AGBL1: variants seen among roughly 807,000 people sequenced by gnomAD.
AGBL1 encodes cytosolic carboxypeptidase 4.
AGBL1 carries 130 observed loss-of-function variants against 118.9 expected under a neutral mutation model. That is an observed-to-expected ratio of 1.09 (90% CI 0.95 to 1.26). The LOEUF is 1.26. Ranked by LOEUF, AGBL1 falls within the 50% of genes most tolerant of loss-of-function variation. AGBL1 has a pLI of 0.00. For missense variants in AGBL1, 1,584 were observed against 1,298.1 expected (o/e 1.22, Z -3.38); for synonymous variants, 555 against 478.9 (o/e 1.16, Z -2.08).
At chr15:86,988,766 C>G (rs368429215) in intron 24 of AGBL1, among the ~76,000 whole-genome samples, 2 of 152,196 alleles carry the variant, frequency 1.3e-5, no homozygotes, top group East Asian at 3.9e-4. Flanking sequence ...TGTTTAGAAA[C>G]AAAGTTATAC....
intron 22 of AGBL1, among the ~76,000 whole-genome samples, chr15:86,900,118 C>T (rs937249054): frequency 3.3e-5 from 5 of 152,230 alleles, no homozygotes; most frequent in Middle Eastern, 3.4e-3. Flanking sequence ...CAGGAGCTCT[C>T]GGGCCTTCAG....
At chr15:86,941,852 G>A (rs990268161) in intron 23 of AGBL1, among the ~76,000 whole-genome samples, 2 of 152,220 alleles carry the variant, frequency 1.3e-5, no homozygotes, top group African/African-American at 4.8e-5. Context: ...GCCAGAAGCA[G>A]GAGGCAAAAT....
chr15:86,142,879 A>T (rs2076982130), intron 2 of AGBL1, among the ~76,000 whole-genome samples: 1 of 152,204 alleles, frequency 6.6e-6, no homozygotes, highest in Non-Finnish European at 1.5e-5. Flanking sequence ...TCTCCCTCTG[A>T]TAAGGTGGTG....
At chr15:86,616,603 C>A (rs1359792317) in intron 21 of AGBL1, among the ~76,000 whole-genome samples, 2 of 152,158 alleles carry the variant, frequency 1.3e-5, no homozygotes, top group Admixed American at 1.3e-4. Context: ...CCTGGCACAG[C>A]TTTATCCTAT....
chr15:86,786,336 C>T (rs2078412806), intron 22 of AGBL1, among the ~76,000 whole-genome samples: 1 of 151,992 alleles, frequency 6.6e-6, no homozygotes, highest in Non-Finnish European at 1.5e-5. Flanking sequence ...AAAGCCTTGG[C>T]TCTGAAAGCT....
intron 23 of AGBL1, among the ~76,000 whole-genome samples, chr15:86,959,353 A>C (rs2080967349): frequency 6.6e-6 from 1 of 152,174 alleles, no homozygotes; most frequent in Non-Finnish European, 1.5e-5. Flanking sequence ...TTCTGTACCT[A>C]AGAACCCAAA....
chr15:86,527,440 A>G (rs1327617121), intron 19 of AGBL1, among the ~76,000 whole-genome samples: 1 of 152,214 alleles, frequency 6.6e-6, no homozygotes, highest in Non-Finnish European at 1.5e-5. Flanking sequence ...GAGGTGGGTG[A>G]GAAACAGCTG....
In AGBL1 at chr15:87,020,070, T is replaced by G. The variant is rs942648712; in HGVS notation, c.3324-8755T>G. Among the ~76,000 whole-genome samples, 3 of 151,088 alleles carry G rather than the reference T, an allele frequency of 2.0e-5. No individual in the cohort carries two copies. In the East Asian group the frequency reaches 5.9e-4, roughly 29 times the overall value. ...CCCAAGACTGAACCAGGAAAAAAATTGAATCCCTGAAGAGACCAATAATAA... is the reference window on the plus strand; with the variant it reads ...CCCAAGACTGAACCAGGAAAAAAATGGAATCCCTGAAGAGACCAATAATAA... On this transcript the variant is annotated intron_variant, in intron 24 of 24. Coordinates refer to the AGBL1 transcript ENST00000441037.
At chr15:86,345,724 G>T (rs1320275300) in intron 17 of AGBL1, among the ~76,000 whole-genome samples, 1 of 152,100 alleles carries the variant, frequency 6.6e-6, no homozygotes, top group African/African-American at 2.4e-5. Flanking sequence ...CAATTGATTG[G>T]TCAATAAATA....
At chr15:86,437,340 C>T (rs752128585) in intron 18 of AGBL1, among the ~76,000 whole-genome samples, 65 of 152,116 alleles carry the variant, frequency 4.3e-4, no homozygotes, top group Non-Finnish European at 9.0e-4. Flanking sequence ...CTTCTTCTCT[C>T]CAATAGAGAA....
intron 23 of AGBL1, among the ~76,000 whole-genome samples, chr15:86,923,339 G>A (rs12916341): frequency 0.58 from 87,942 of 152,004 alleles, 25,960 homozygotes; most frequent in East Asian, 0.66. Flanking sequence ...CTGCCTTGCC[G>A]GGCTTGTCTT....
At chr15:86,266,262 T>C in intron 11 of AGBL1, 112 bp from the exon 12 acceptor site, 1 of 655,848 alleles carries the variant, frequency 1.5e-6, no homozygotes, top group South Asian at 2.4e-5. Flanking sequence ...TAAACTTCTC[T>C]GTGCTTTCAT....
chr15:86,381,251 A>G (rs1381439501), intron 17 of AGBL1, among the ~76,000 whole-genome samples: 1 of 152,164 alleles, frequency 6.6e-6, no homozygotes, highest in Non-Finnish European at 1.5e-5. Flanking sequence ...AATTCTTGTG[A>G]AGTGTGGAAA....
rs2081226266 is a variant in AGBL1, at chr15:86,980,918, GCT to G, written c.3222-7066_3222-7065del. The stretch of plus-strand genomic sequence containing the variant: ...TTTTTTTTTTTTGAGACAGAGTCTT[GCT>G]CTGTCACCCAGCCTGGAGTGCAGTG... On this transcript the variant is annotated intron_variant, in intron 23 of 24. Transcript: ENST00000441037. Among the ~76,000 whole-genome samples the G allele has an allele frequency of 1.1e-4, 11 of 103,696 alleles. No homozygotes were observed. The South Asian group carries it at 3.2e-3, about 30-fold the overall frequency. The allele number at this position is 103,696 out of a possible 152,430, so 68.0% of individuals were successfully genotyped here.
At chr15:86,543,324 G>C (rs904484744) in intron 19 of AGBL1, among the ~76,000 whole-genome samples, 1 of 152,018 alleles carries the variant, frequency 6.6e-6, no homozygotes, top group Non-Finnish European at 1.5e-5. Context: ...TTTATAATAC[G>C]ATTGTGATAC....
chr15:86,424,896 G>T (rs916590852), intron 18 of AGBL1, among the ~76,000 whole-genome samples: 1 of 152,200 alleles, frequency 6.6e-6, no homozygotes, highest in Non-Finnish European at 1.5e-5. Flanking sequence ...AACAACAGGT[G>T]CTGGAGAGGA....
At chr15:86,212,711 G>A (rs184275096) in intron 5 of AGBL1, among the ~76,000 whole-genome samples, 87 of 152,194 alleles carry the variant, frequency 5.7e-4, no homozygotes, top group South Asian at 1.7e-3. Flanking sequence ...GTGCAATGGC[G>A]TGATCTTGGC....
At chr15:86,286,749 A>ATATATATAT (rs60775713) in intron 16 of AGBL1, among the ~76,000 whole-genome samples, 2 of 145,388 alleles carry the variant, frequency 1.4e-5, no homozygotes, top group East Asian at 2.0e-4. Context: ...ATATATATAT[A>ATATATATAT]AAACTCCATC....
chr15:86,205,986 A>G (rs1029623231), intron 5 of AGBL1, among the ~76,000 whole-genome samples: 1 of 152,012 alleles, frequency 6.6e-6, no homozygotes, highest in African/African-American at 2.4e-5. Context: ...CCTGCCCGCT[A>G]CCCCACGACA....
Sources: allele counts gnomAD v4.1 joint callset (sites outside exome capture counted in the v4.1 genomes callset), GRCh38; gene constraint gnomAD v4.1.1; transcripts MANE v1.5; gene names NCBI Gene and HGNC (gene_info 2026-07-23, HGNC 2026-07-21).